The following TNRC18 variants were observed in gnomAD, a reference collection of about 807,000 sequenced individuals.
TNRC18 encodes the protein trinucleotide repeat-containing gene 18 protein.
A neutral mutation model predicts 226.7 loss-of-function variants in TNRC18; 69 were observed. The observed-to-expected ratio is 0.30, with a 90% confidence interval of 0.25 to 0.37. The LOEUF is 0.37. TNRC18 is among the 10% of genes least tolerant of loss of function. The pLI, the probability that TNRC18 is intolerant of heterozygous loss-of-function variation, is 1.00. For synonymous variants in TNRC18, 2,449 were observed against 1,927.6 expected (o/e 1.27, Z -7.09); for missense variants, 4,754 against 4,256.6 (o/e 1.12, Z -3.25).
At chr7:5,411,252 G>A (rs1010702931) in intron 2 of TNRC18, among the ~76,000 whole-genome samples, 3 of 151,622 alleles carry the variant, frequency 2.0e-5, no homozygotes, top group African/African-American at 7.3e-5. Flanking sequence ...AAAAGGAAGG[G>A]GGAGGTGGGG....
At position 5,313,302 on chromosome 7, in the gene TNRC18, C is replaced by T. The variant is rs780183851; in HGVS notation, c.7589G>A (p.Gly2530Glu). 2.6e-6 allele frequency: 4 copies of T among 1,548,728 alleles called. No individual in the cohort carries two copies. The highest frequency in any genetic ancestry group is 1.4e-5 in the African/African-American group (1 of 73,116). ...AGAGTCCTCGAACGTGAGCCCCGGC[C>T]CGGGCTCCTGGGCGAGGTCCCCGTC... ...ATDGDLAQEP[G>E]PGLTFEDSGN... is the part of the protein sequence containing the mutation. The change falls in exon 27 of 30, where the codon GGG (glycine) becomes GAG (glutamate). Residue 2530 changes from glycine (G) to glutamate (E), a missense_variant. Physicochemically the swap from Gly to Glu is moderately conservative, Grantham distance 98. Transcript: ENST00000430969.
In TNRC18 at chr7:5,307,046, C is replaced by CCTCTT. The variant is rs1029150437; in HGVS notation, c.*1055_*1059dup. On this transcript the variant is annotated 3_prime_UTR_variant, in exon 30 of 30. Transcript: ENST00000430969. ...GGGCTTGGGCCGGCTCCTGCCTCTCCCTCTTCTCTCCCTAACAAACACTTC... is the reference window on the plus strand; with the variant it reads ...GGGCTTGGGCCGGCTCCTGCCTCTCCCTCTTCTCTTCTCTCCCTAACAAACACTTC... 2.0e-5 allele frequency: 3 copies of CCTCTT among 150,014 alleles called. No homozygotes were observed. The highest frequency in any genetic ancestry group is 2.0e-4 in the East Asian group (1 of 5,106). 9.3% of individuals were successfully genotyped at this position (150,014 alleles called of 1,614,324 possible). A position where few individuals can be genotyped will look rare whatever the true frequency, so the allele number is the denominator to read the frequency against.
chr7:5,390,635 C>T lies in TNRC18; in HGVS notation c.344-7G>A, dbSNP rs1780223928. On this transcript the variant is annotated splice_region_variant and splice_polypyrimidine_tract_variant and intron_variant, in intron 3 of 29. Transcript: ENST00000430969. ...CTGGGCAGGTGGGAGAAGCCTGTAA[C>T]AGAAAAGAGAAAAGCTGGGCTGGGC... 8.4e-6 allele frequency: 13 copies of T among 1,540,936 alleles called. No homozygotes were observed. Among genetic ancestry groups the T allele is most frequent in the Non-Finnish European group, 1.1e-5 (13 of 1,144,048 alleles).
intron 14 of TNRC18, among the ~76,000 whole-genome samples, chr7:5,360,430 A>G (rs937037799): frequency 7.9e-5 from 12 of 152,028 alleles, no homozygotes; most frequent in Non-Finnish European, 1.5e-4. Flanking sequence ...GGGTTTCTCC[A>G]TGTTGCCCAG....
At position 5,390,619 on chromosome 7, in the gene TNRC18, T is replaced by G. The variant is rs1584038322; in HGVS notation, c.353A>C (p.His118Pro). Residue 118 changes from histidine (H) to proline (P), a missense_variant, in exon 4 of 30, where the codon CAC becomes CCC. By Grantham distance (77) the His-to-Pro change is moderately conservative. Transcript: ENST00000430969. ...GGATGGGTACAGCCCACTGGGCAGG[T>G]GGGAGAAGCCTGTAACAGAAAAGAG... ...WAAHAHEGFS[H>P]LPSGLYPSYL... 2 of 1,575,318 alleles carry G rather than the reference T, an allele frequency of 1.3e-6. No homozygotes were observed.
chr7:5,349,955 T>C (rs1791611446), intron 17 of TNRC18, among the ~76,000 whole-genome samples: 1 of 150,782 alleles, frequency 6.6e-6, no homozygotes, highest in Non-Finnish European at 1.5e-5. Context: ...CTCCCCTATC[T>C]GGGTCCCGTC....
At chr7:5,371,423 C>A (rs1363226072) in intron 10 of TNRC18, 59 bp from the exon 11 acceptor site, 12 of 1,445,010 alleles carry the variant, frequency 8.3e-6, no homozygotes, top group African/African-American at 4.3e-5. Flanking sequence ...CATGTCCCCA[C>A]TGACACCCGC....
chr7:5,378,868 C>T (rs1211871473), intron 5 of TNRC18, among the ~76,000 whole-genome samples: 1 of 150,012 alleles, frequency 6.7e-6, no homozygotes, highest in South Asian at 2.1e-4. Context: ...CCACGCAGGC[C>T]TGTGTGTCCC....
intron 15 of TNRC18, among the ~76,000 whole-genome samples, chr7:5,357,627 C>T (rs1332585397): frequency 6.6e-6 from 1 of 152,238 alleles, no homozygotes; most frequent in Non-Finnish European, 1.5e-5. Context: ...GGAATACAGG[C>T]GTGCGCCACC....
intron 2 of TNRC18, among the ~76,000 whole-genome samples, chr7:5,397,960 G>C (rs1189463859): frequency 1.3e-5 from 2 of 152,020 alleles, no homozygotes; most frequent in African/African-American, 4.8e-5. Flanking sequence ...TGCCACCCAG[G>C]ACATACTTCT....
Position 5,320,610 on chromosome 7 carries a change from G to A in TNRC18, c.6561-3C>T. ...CACCCTCCACCACCACGCGGTATCT[G>A]TAGGAGCAAACGAGGCGTGAGGTGG... On this transcript the variant is annotated splice_polypyrimidine_tract_variant and splice_region_variant and intron_variant, in intron 22 of 29. Transcript: ENST00000430969. 1.2e-6 allele frequency: 2 copies of A among 1,611,134 alleles called. No homozygotes were observed. The highest frequency in any genetic ancestry group is 2.2e-5 in the South Asian group (2 of 90,744).
chr7:5,397,473 G>A (rs1387343019), intron 2 of TNRC18, among the ~76,000 whole-genome samples: 3 of 152,318 alleles, frequency 2.0e-5, no homozygotes, highest in Non-Finnish European at 2.9e-5. Context: ...CTCCCAGGCT[G>A]GGCGGGGCAG....
chr7:5,319,025 G>A (rs1338536948), intron 24 of TNRC18, among the ~76,000 whole-genome samples: 1 of 152,176 alleles, frequency 6.6e-6, no homozygotes, highest in Non-Finnish European at 1.5e-5. Context: ...GAGGGACAGG[G>A]AAGGCCCAAG....
rs145093452 is a variant in TNRC18, at chr7:5,413,224, C to G, written c.187+7836G>C. Among the ~76,000 whole-genome samples, 845 of 152,226 alleles carry G rather than the reference C, an allele frequency of 5.6e-3. 4 individuals are homozygous for G. Among genetic ancestry groups the G allele is most frequent in the Non-Finnish European group, 9.7e-3 (657 of 68,002 alleles). On this transcript the variant is annotated intron_variant, in intron 2 of 29. Coordinates refer to ENST00000430969, the MANE Select transcript of TNRC18 (RefSeq NM_001080495.3). ...GAGGGTGGGAGGAGCTGGGCCAGAC[C>G]ACAGACTGGTTCATGCCGGGGAGCC...
chr7:5,356,320 C>T (rs1201961839), intron 16 of TNRC18, among the ~76,000 whole-genome samples: 2 of 152,154 alleles, frequency 1.3e-5, no homozygotes, highest in East Asian at 1.9e-4. Flanking sequence ...CGGGCCACAT[C>T]ATCCCCAGTA....
chr7:5,397,491 C>T (rs1471803177), intron 2 of TNRC18, among the ~76,000 whole-genome samples: 1 of 152,198 alleles, frequency 6.6e-6, no homozygotes, highest in African/African-American at 2.4e-5. Flanking sequence ...CAGCCGGGAA[C>T]CCCCAGCATC....
In TNRC18 at chr7:5,313,250, G is replaced by C. The variant is rs1294255908; in HGVS notation, c.7641C>G (p.Ala2547=). 5.2e-6 allele frequency: 8 copies of C among 1,548,810 alleles called. No homozygotes were observed. Among genetic ancestry groups the C allele is most frequent in the Non-Finnish European group, 5.2e-6 (6 of 1,146,660 alleles). ...DSGNPKSPDK[A]QAEQDGAEES... is the part of the protein sequence containing the mutation. ...CTTCGGCCCCGTCCTGCTCAGCCTGGGCCTTGTCTGGGCTCTTGGGGTTCC... is the reference window on the plus strand; with the variant it reads ...CTTCGGCCCCGTCCTGCTCAGCCTGCGCCTTGTCTGGGCTCTTGGGGTTCC... Residue 2547 remains alanine, a synonymous_variant, in exon 27 of 30, where the codon GCC becomes GCG. Coordinates refer to ENST00000430969, the MANE Select transcript of TNRC18 (RefSeq NM_001080495.3).
intron 24 of TNRC18, among the ~76,000 whole-genome samples, chr7:5,318,265 C>T (rs925182129): frequency 2.0e-5 from 3 of 152,186 alleles, no homozygotes; most frequent in South Asian, 2.1e-4. Flanking sequence ...GTGATCTACC[C>T]GCATCAGGCT....
chr7:5,337,253 C>T (rs982223600), intron 18 of TNRC18, among the ~76,000 whole-genome samples: 6 of 151,802 alleles, frequency 4.0e-5, no homozygotes, highest in Non-Finnish European at 8.8e-5. Flanking sequence ...AAAAAACTGT[C>T]AACCCAAAAT....
Sources: allele counts gnomAD v4.1 joint callset (sites outside exome capture counted in the v4.1 genomes callset), GRCh38; gene constraint gnomAD v4.1.1; transcripts MANE v1.5; gene names NCBI Gene and HGNC (gene_info 2026-07-23, HGNC 2026-07-21).